Variants in SPATA1 observed in about 807,000 individuals in gnomAD.
SPATA1 encodes spermatogenesis associated 1.
SPATA1 carries 57 observed loss-of-function variants against 59.6 expected under a neutral mutation model. That is an observed-to-expected ratio of 0.96 (90% CI 0.77 to 1.19). SPATA1 has a LOEUF of 1.19. Ranked by LOEUF, SPATA1 falls within the 50% of genes most tolerant of loss-of-function variation. The probability of loss-of-function intolerance (pLI) is 0.00; values close to 1 mark genes in which losing one functional copy is unlikely to be tolerated. For synonymous variants in SPATA1, 147 were observed against 163.9 expected (o/e 0.90, Z 0.79); for missense variants, 448 against 480.7 (o/e 0.93, Z 0.64).
chr1:84,520,535 T>C, intron 2 of SPATA1, 50 bp from the exon 3 acceptor site: 2 of 1,162,306 alleles, frequency 1.7e-6, no homozygotes, highest in Admixed American at 3.2e-5. Flanking sequence ...AATTGATTTT[T>C]TTTTTCACTT....
chr1:84,549,004 G>C (rs1290094971), intron 11 of SPATA1, 40 bp downstream of exon 11: 2 of 1,487,518 alleles, frequency 1.3e-6, no homozygotes, highest in Non-Finnish European at 8.9e-7. Flanking sequence ...GAGAAGTTCT[G>C]TTCAAAACAC....
intron 1 of SPATA1, among the ~76,000 whole-genome samples, chr1:84,515,749 G>A (rs980610616): frequency 9.2e-5 from 14 of 152,060 alleles, no homozygotes; most frequent in Non-Finnish European, 1.8e-4. Context: ...TTTTCACCTG[G>A]AATGATTGTT....
intron 1 of SPATA1, among the ~76,000 whole-genome samples, chr1:84,508,815 A>T (rs907701715): frequency 1.3e-5 from 2 of 152,218 alleles, no homozygotes; most frequent in Admixed American, 1.3e-4. Flanking sequence ...TGGAGAAAAA[A>T]ATATATACAA....
intron 6 of SPATA1, among the ~76,000 whole-genome samples, chr1:84,531,955 A>G (rs1405716911): frequency 6.6e-6 from 1 of 152,204 alleles, no homozygotes; most frequent in African/African-American, 2.4e-5. Flanking sequence ...AAAAATCTGA[A>G]TTAATACTGC....
intron 4 of SPATA1, among the ~76,000 whole-genome samples, chr1:84,523,757 C>G: frequency 6.6e-6 from 1 of 152,060 alleles, no homozygotes; most frequent in East Asian, 1.9e-4. Context: ...TATTAATTTA[C>G]TGATCATTAA....
At chr1:84,518,612 T>TC (rs1682889167) in intron 2 of SPATA1, among the ~76,000 whole-genome samples, 1 of 151,966 alleles carries the variant, frequency 6.6e-6, no homozygotes, top group Non-Finnish European at 1.5e-5. Context: ...GCTGTATGTT[T>TC]CCCCTCTACC....
chr1:84,527,816 G>A (rs955317286), intron 6 of SPATA1, among the ~76,000 whole-genome samples: 2 of 151,980 alleles, frequency 1.3e-5, no homozygotes, highest in African/African-American at 4.8e-5. Flanking sequence ...TGCAGCCTCT[G>A]CCTCCCAGGT....
intron 1 of SPATA1, among the ~76,000 whole-genome samples, chr1:84,507,832 T>C (rs1286390087): frequency 2.0e-5 from 3 of 148,684 alleles, no homozygotes; most frequent in Non-Finnish European, 4.4e-5. Context: ...GAATAAGCAG[T>C]GTTTTAGGCC....
At position 84,537,866 on chromosome 1, in the gene SPATA1, T is replaced by C. The variant is rs139092337; in HGVS notation, c.717+4100T>C. Among the ~76,000 whole-genome samples the C allele has an allele frequency of 5.3e-3, 808 of 152,326 alleles. 6 individuals carry two copies. Among genetic ancestry groups the C allele is most frequent in the Middle Eastern group, 0.02 (6 of 294 alleles). ...GCTTTGCAAATTCTCCCTGTAGCCA[T>C]TCCCTTAATTCATGAATGTATACTT... On this transcript the variant is annotated intron_variant, in intron 8 of 12. Coordinates refer to ENST00000490879, the Ensembl canonical transcript of SPATA1.
intron 1 of SPATA1, among the ~76,000 whole-genome samples, chr1:84,509,640 C>G (rs1682448315): frequency 6.6e-6 from 1 of 152,204 alleles, no homozygotes; most frequent in African/African-American, 2.4e-5. Flanking sequence ...GTGGCACATG[C>G]CTGTAGTCGC....
exon 4 of SPATA1, chr1:84,522,417 C>T: frequency 1.3e-6 from 2 of 1,501,032 alleles, no homozygotes; most frequent in Non-Finnish European, 1.8e-6. Context: ...CTTTACGAGC[C>T]CTGAGGGAGC....
chr1:84,545,777 C>T lies in SPATA1; in HGVS notation c.946+18C>T. On this transcript the variant is annotated intron_variant, in intron 10 of 12. Coordinates refer to ENST00000490879, the Ensembl canonical transcript of SPATA1. ...ATATCATGGTAAAGTTTATTACATA[C>T]CTTTTATCACTATAAAGAAAACTTA... 2 of 1,440,706 alleles carry T rather than the reference C, an allele frequency of 1.4e-6. No homozygotes were observed. The highest frequency in any genetic ancestry group is 2.7e-5 in the East Asian group (1 of 36,986). The allele number at this position is 1,440,706 out of a possible 1,614,324, so 89.2% of individuals were successfully genotyped here.
At chr1:84,541,310 T>C (rs1683891472) in intron 8 of SPATA1, among the ~76,000 whole-genome samples, 1 of 127,530 alleles carries the variant, frequency 7.8e-6, no homozygotes, top group African/African-American at 3.9e-5. Flanking sequence ...ATCTGTTTCA[T>C]TGTTTTGTTT....
intron 4 of SPATA1, among the ~76,000 whole-genome samples, chr1:84,564,528 G>A (rs1183611225): frequency 1.3e-5 from 2 of 152,058 alleles, no homozygotes; most frequent in African/African-American, 4.8e-5. Flanking sequence ...AAACATATTG[G>A]TTTATTTAGT....
chr1:84,564,560 A>C (rs1437826791), intron 4 of SPATA1, among the ~76,000 whole-genome samples: 3 of 152,182 alleles, frequency 2.0e-5, no homozygotes, highest in Non-Finnish European at 4.4e-5. Flanking sequence ...TTTATTTATG[A>C]TACAAAGTAT....
intron 1 of SPATA1, among the ~76,000 whole-genome samples, chr1:84,509,923 T>TA (rs1364973633): frequency 1.3e-5 from 2 of 152,078 alleles, no homozygotes; most frequent in Non-Finnish European, 2.9e-5. Context: ...CACGGTGGCT[T>TA]ACGCTTGTAA....
intron 4 of SPATA1, chr1:84,563,948 A>C: frequency 8.4e-7 from 1 of 1,192,354 alleles, no homozygotes; most frequent in Non-Finnish European, 1.1e-6. Context: ...TATAAAAAAC[A>C]CTAATATTGT....
chr1:84,543,266 A>T (rs1433367959), intron 8 of SPATA1, among the ~76,000 whole-genome samples: 1 of 152,216 alleles, frequency 6.6e-6, no homozygotes, highest in East Asian at 1.9e-4. Flanking sequence ...AAGATCGATA[A>T]AGTGATAGTG....
chr1:84,518,528 A>G (rs1345734116), intron 2 of SPATA1, among the ~76,000 whole-genome samples: 2 of 152,170 alleles, frequency 1.3e-5, no homozygotes, highest in Middle Eastern at 3.4e-3. Flanking sequence ...ATAAAAATAT[A>G]TGTCAGATCT....
Sources: gnomAD v4.1 joint callset for allele counts (sites outside exome capture counted in the v4.1 genomes callset) on GRCh38, gnomAD v4.1.1 for gene constraint, MANE v1.5 for transcripts, NCBI Gene and HGNC (gene_info 2026-07-23, HGNC 2026-07-21) for gene names.